EMX1: variants seen among roughly 807,000 people sequenced by gnomAD.
EMX1 encodes homeobox protein EMX1.
In EMX1, 10 loss-of-function variants were observed where a neutral mutation model predicts 20.1. The ratio of observed to expected loss-of-function variants is 0.50; its 90% confidence interval spans 0.31 to 0.84. EMX1 has a LOEUF of 0.84. Ranked by LOEUF, EMX1 falls within the 40% of genes least tolerant of loss-of-function variation. The probability of loss-of-function intolerance (pLI) is 0.05; values close to 1 mark genes in which losing one functional copy is unlikely to be tolerated. For synonymous variants in EMX1, 250 were observed against 200.4 expected, an observed-to-expected ratio of 1.25 and a Z score of -2.09; for missense variants, 424 against 431.9, an observed-to-expected ratio of 0.98 and a Z score of 0.16.
In EMX1 at chr2:72,918,191, T is replaced by C. The variant is rs1164389990; in HGVS notation, c.339T>C (p.Gly113=). ...AAAGAGRSLY[G]GPELVFPEAM... Reference sequence around the variant, plus strand: ...CGGGCGCGGGCCGCTCGCTCTACGGTGGGCCCGAGCTCGTGTTCCCCGAGG... The same window carrying C: ...CGGGCGCGGGCCGCTCGCTCTACGGCGGGCCCGAGCTCGTGTTCCCCGAGG... The change falls in exon 1 of 3, where the codon GGT becomes GGC. Residue 113 remains glycine (G), a synonymous_variant. Transcript: ENST00000258106. 26 of 1,552,144 alleles carry C rather than the reference T, an allele frequency of 1.7e-5. No homozygotes were observed. Among genetic ancestry groups the C allele is most frequent in the African/African-American group, 2.9e-5 (2 of 70,124 alleles).
intron 2 of EMX1, among the ~76,000 whole-genome samples, chr2:72,928,350 T>C (rs1376650246): frequency 6.6e-6 from 1 of 152,244 alleles, no homozygotes; most frequent in Non-Finnish European, 1.5e-5. Flanking sequence ...GTAATGGGTG[T>C]GTGCAACATG....
At chr2:72,916,309 A>G (rs1458144309), upstream of EMX1, 2 of 279,076 alleles carry the variant, frequency 7.2e-6, no homozygotes, top group South Asian at 3.8e-5. Context: ...AGGAGGCCCA[A>G]CCCAGATCTG....
Position 72,917,955 on chromosome 2 carries a change from T to A in EMX1, c.103T>A (p.Phe35Ile). The change falls in exon 1 of 3, where the codon TTC becomes ATC. Residue 35 changes from phenylalanine (F) to isoleucine (I), a missense_variant. Coordinates refer to ENST00000258106, the MANE Select transcript of EMX1 (RefSeq NM_004097.3). ...PRTAPAAATM[F>I]QPAAKRGFTI... is the part of the protein sequence containing the mutation. ...CACAGCTCCCGCGGCTGCGACCATG[T>A]TCCAGCCCGCGGCCAAGCGCGGCTT... The A allele has an allele frequency of 6.7e-7, 1 of 1,486,308 alleles. No homozygotes were observed. Among genetic ancestry groups the A allele is most frequent in the Non-Finnish European group, 8.9e-7 (1 of 1,126,028 alleles). 92.1% of individuals were successfully genotyped at this position (1,486,308 alleles called of 1,614,324 possible).
At chr2:72,929,917 T>C (rs1482329924) in intron 2 of EMX1, among the ~76,000 whole-genome samples, 2 of 152,204 alleles carry the variant, frequency 1.3e-5, no homozygotes, top group Non-Finnish European at 2.9e-5. Flanking sequence ...AAGCCAACCC[T>C]TCTTCTGCCC....
intron 2 of EMX1, chr2:72,925,485 GCCC>G (rs1309954383): frequency 7.8e-7 from 1 of 1,288,810 alleles, no homozygotes; most frequent in African/African-American, 1.5e-5. Context: ...CCTAGCTGCT[GCCC>G]TGGAGGTGGA....
chr2:72,916,720 C>T, upstream of EMX1: 2 of 717,422 alleles, frequency 2.8e-6, no homozygotes, highest in Non-Finnish European at 5.2e-6. Flanking sequence ...CAATTTAAGC[C>T]ACAGTGTCTC....
chr2:72,929,383 G>A (rs527769542), intron 2 of EMX1, among the ~76,000 whole-genome samples: 1 of 152,320 alleles, frequency 6.6e-6, no homozygotes, highest in Admixed American at 6.5e-5. Flanking sequence ...GGCTTAGGGA[G>A]ATCATGGTTA....
intron 2 of EMX1, among the ~76,000 whole-genome samples, chr2:72,928,659 G>A (rs1359546477): frequency 2.0e-5 from 3 of 152,212 alleles, no homozygotes; most frequent in Non-Finnish European, 2.9e-5. Context: ...TTAGCTGAGC[G>A]GTGAAGGCAA....
At chr2:72,932,362 A>C (rs966039725) in intron 2 of EMX1, among the ~76,000 whole-genome samples, 1 of 152,196 alleles carries the variant, frequency 6.6e-6, no homozygotes, top group Non-Finnish European at 1.5e-5. Flanking sequence ...GGCAGCTGCA[A>C]GTGTCCCCAG....
In EMX1 at chr2:72,926,316, T is replaced by C. The variant is rs144395103; in HGVS notation, c.705+1823T>C. On this transcript the variant is annotated intron_variant, in intron 2 of 2. Transcript: ENST00000258106. ...GTAAACGGACTGATTGTTTCTTTCATTTTTATTATGAGACATTTCAAACAT... is the reference window on the plus strand; with the variant it reads ...GTAAACGGACTGATTGTTTCTTTCACTTTTATTATGAGACATTTCAAACAT... 4.1e-4 allele frequency: 407 copies of C among 981,824 alleles called. 2 individuals carry two copies. In the African/African-American group the frequency reaches 5.9e-3, roughly 14 times the overall value. 60.8% of individuals were successfully genotyped at this position (981,824 alleles called of 1,614,324 possible). A position where few individuals can be genotyped will look rare whatever the true frequency, so the allele number is the denominator to read the frequency against.
At chr2:72,924,139 G>A in intron 1 of EMX1, 170 bp from the exon 2 acceptor site, 1 of 794,836 alleles carries the variant, frequency 1.3e-6, no homozygotes, top group Non-Finnish European at 2.1e-6. Flanking sequence ...CTTAGGGAAG[G>A]GGCGGCAAAA....
intron 2 of EMX1, 68 bp downstream of exon 2, chr2:72,924,561 A>G (rs1671162017): frequency 5.5e-6 from 8 of 1,466,512 alleles, no homozygotes; most frequent in Non-Finnish European, 7.2e-6. Context: ...GCGCGGGTGC[A>G]GGAGAGGCCC....
intron 1 of EMX1, 61 bp from the exon 2 acceptor site, chr2:72,924,248 T>C: frequency 6.5e-7 from 1 of 1,533,754 alleles, no homozygotes; most frequent in Non-Finnish European, 8.7e-7. Context: ...GGGCCCCGGC[T>C]CACGGCGCCC....
intron 1 of EMX1, among the ~76,000 whole-genome samples, chr2:72,920,324 C>G (rs956215456): frequency 1.3e-5 from 2 of 152,244 alleles, no homozygotes; most frequent in Admixed American, 1.3e-4. Context: ...TCGAGTAGCA[C>G]AAACAGTTGG....
intron 1 of EMX1, among the ~76,000 whole-genome samples, chr2:72,919,789 C>T (rs945637406): frequency 6.6e-6 from 1 of 152,212 alleles, no homozygotes; most frequent in African/African-American, 2.4e-5. Context: ...TCCGAAAAAA[C>T]AAAAATGCTA....
chr2:72,925,570 C>G, intron 2 of EMX1: 1 of 1,285,942 alleles, frequency 7.8e-7, no homozygotes, highest in Non-Finnish European at 1.0e-6. Flanking sequence ...AGCTACCTCC[C>G]GGCTGACTTT....
intron 2 of EMX1, among the ~76,000 whole-genome samples, chr2:72,928,399 T>C (rs967406967): frequency 2.6e-5 from 4 of 152,238 alleles, no homozygotes; most frequent in Non-Finnish European, 4.4e-5. Context: ...TTTATGTGAT[T>C]GATGCCCAAA....
Position 72,917,967 on chromosome 2 carries a change from G to A in EMX1, c.115G>A (p.Ala39Thr), listed in dbSNP as rs1442868584. ...PAAATMFQPA[A>T]KRGFTIESLV... ...GGCTGCGACCATGTTCCAGCCCGCG[G>A]CCAAGCGCGGCTTTACCATAGAGTC... Residue 39 changes from alanine (A) to threonine (T), a missense_variant, in exon 1 of 3, where the codon GCC (alanine) becomes ACC (threonine). Transcript: ENST00000258106. 1.3e-6 allele frequency: 2 copies of A among 1,487,608 alleles called. No homozygotes were observed. The highest frequency in any genetic ancestry group is 1.8e-6 in the Non-Finnish European group (2 of 1,126,504). The allele number at this position is 1,487,608 out of a possible 1,614,324, so 92.2% of individuals were successfully genotyped here. A position where few individuals can be genotyped will look rare whatever the true frequency, so the allele number is the denominator to read the frequency against.
Position 72,917,928 on chromosome 2 carries a change from C to T in EMX1, c.76C>T (p.Arg26Cys), listed in dbSNP as rs917411978. 2.0e-6 allele frequency: 3 copies of T among 1,485,584 alleles called. No individual in the cohort carries two copies. Among genetic ancestry groups the T allele is most frequent in the Middle Eastern group, 2.3e-4 (1 of 4,288 alleles). 92.0% of individuals were successfully genotyped at this position (1,485,584 alleles called of 1,614,324 possible). Residue 26 changes from arginine (R) to cysteine (C), a missense_variant, in exon 1 of 3, where the codon CGC becomes TGC. By Grantham distance (180) the Arg-to-Cys change is radical. This residue lies in a region of EMX1 where 333 missense variants were observed against 296.6 expected (regional missense o/e 1.12). Transcript: ENST00000258106. ...RGALPRARLP[R>C]TAPAAATMFQ... ...AGCGCTCCCCAGAGCCCGGCTGCCT[C>T]GCACAGCTCCCGCGGCTGCGACCAT...
Sources: allele counts gnomAD v4.1 joint callset (sites outside exome capture counted in the v4.1 genomes callset), GRCh38; gene constraint gnomAD v4.1.1; regional missense constraint gnomAD v4.1.1; transcripts MANE v1.5; gene names NCBI Gene and HGNC (gene_info 2026-07-23, HGNC 2026-07-21).